NTN1: variants seen among roughly 807,000 people sequenced by gnomAD.
The protein encoded by NTN1 is netrin-1.
NTN1 carries 11 observed loss-of-function variants against 54.2 expected under a neutral mutation model. That is an observed-to-expected ratio of 0.20 (90% CI 0.13 to 0.34). The LOEUF is 0.34. Ranked by LOEUF, NTN1 falls within the 10% of genes least tolerant of loss-of-function variation. NTN1 has a pLI of 1.00. For synonymous variants in NTN1, 371 were observed against 382.0 expected (o/e 0.97, Z 0.33); for missense variants, 740 against 893.1 (o/e 0.83, Z 2.18).
upstream of NTN1, among the ~76,000 whole-genome samples, chr17:9,017,047 T>C (rs1009098368): frequency 2.0e-5 from 3 of 152,204 alleles, no homozygotes; most frequent in Admixed American, 1.3e-4. Context: ...CAAGAGACAC[T>C]TGGAGACCAC....
intron 2 of NTN1, among the ~76,000 whole-genome samples, chr17:9,115,407 C>T (rs1391412387): frequency 6.6e-6 from 1 of 152,246 alleles, no homozygotes; most frequent in Admixed American, 6.5e-5. Context: ...GTCTCCTGCT[C>T]ACCAGTTAAA....
chr17:9,162,993 C>T lies in NTN1; in HGVS notation c.1199C>T (p.Ala400Val). 1 of 1,608,930 alleles carries T rather than the reference C, an allele frequency of 6.2e-7. No homozygotes were observed. The highest frequency in any genetic ancestry group is 2.2e-5 in the East Asian group (1 of 44,634). The change falls in exon 3 of 7, where the codon GCC (alanine) becomes GTC (valine). Residue 400 changes from alanine (A) to valine (V), a missense_variant. Ala to Val is a moderately conservative substitution (Grantham distance 64, BLOSUM62 0). Coordinates refer to ENST00000173229, the MANE Select transcript of NTN1 (RefSeq NM_004822.3). ...DMGKPITHRK[A>V]CKACDCHPVG... ...GGCAAGCCCATCACCCACCGGAAGG[C>T]CTGCAAAGGTGGGCTACACGTGGCG...
At chr17:9,069,935 G>C (rs2092027170) in intron 2 of NTN1, among the ~76,000 whole-genome samples, 1 of 152,200 alleles carries the variant, frequency 6.6e-6, no homozygotes, top group South Asian at 2.1e-4. Flanking sequence ...GAAGAGTTTG[G>C]TGGGTAACCC....
intron 2 of NTN1, among the ~76,000 whole-genome samples, chr17:9,099,278 G>GGCA (rs1174687525): frequency 6.6e-6 from 1 of 152,136 alleles, no homozygotes; most frequent in Admixed American, 6.6e-5. Context: ...GGTGGTGTAT[G>GGCA]CCTGTAATCC....
At chr17:9,094,236 A>C (rs981496730) in intron 2 of NTN1, among the ~76,000 whole-genome samples, 4 of 152,136 alleles carry the variant, frequency 2.6e-5, no homozygotes, top group African/African-American at 7.2e-5. Flanking sequence ...TTAGTACATG[A>C]ATGTACCACA....
At chr17:9,198,775 ACAGAT>A (rs1380228355) in intron 5 of NTN1, among the ~76,000 whole-genome samples, 1 of 152,194 alleles carries the variant, frequency 6.6e-6, no homozygotes, top group Non-Finnish European at 1.5e-5. Context: ...TGTGGATCCT[ACAGAT>A]CCCTAAGTAC....
intron 3 of NTN1, among the ~76,000 whole-genome samples, chr17:9,168,341 T>C (rs2092378403): frequency 1.3e-5 from 2 of 152,178 alleles, no homozygotes; most frequent in Admixed American, 6.5e-5. Context: ...GAGACTAGCC[T>C]GACCAACATG....
intron 2 of NTN1, among the ~76,000 whole-genome samples, chr17:9,060,847 G>T (rs565148448): frequency 2.0e-5 from 3 of 151,800 alleles, no homozygotes; most frequent in Non-Finnish European, 4.4e-5. Context: ...ATGGTGGCGC[G>T]TGCCTGTAGT....
intron 2 of NTN1, among the ~76,000 whole-genome samples, chr17:9,033,632 A>T (rs555951499): frequency 6.6e-6 from 1 of 151,962 alleles, no homozygotes; most frequent in African/African-American, 2.4e-5. Flanking sequence ...GAAAGTACTT[A>T]GTTGGCTGGG....
chr17:9,206,640 G>A (rs1178437091), intron 5 of NTN1, among the ~76,000 whole-genome samples: 1 of 152,226 alleles, frequency 6.6e-6, no homozygotes, highest in African/African-American at 2.4e-5. Context: ...CCTGGGAGGG[G>A]ATTTCATCCT....
At chr17:9,151,211 G>C (rs888213221) in intron 2 of NTN1, among the ~76,000 whole-genome samples, 6 of 152,132 alleles carry the variant, frequency 3.9e-5, no homozygotes, top group African/African-American at 1.4e-4. Context: ...CTTGACAAAG[G>C]GGCTGGGGCC....
intron 2 of NTN1, among the ~76,000 whole-genome samples, chr17:9,038,468 G>T (rs1322422933): frequency 6.6e-6 from 1 of 152,072 alleles, no homozygotes; most frequent in African/African-American, 2.4e-5. Context: ...TTCACAGGGG[G>T]CCTGGCATAA....
At chr17:9,230,455 C>CCCT (rs1555579403) in intron 6 of NTN1, among the ~76,000 whole-genome samples, 19 of 150,764 alleles carry the variant, frequency 1.3e-4, no homozygotes, top group African/African-American at 4.2e-4. Context: ...GTGACCCCCC[C>CCCT]CCCGAGTGCC....
At chr17:9,180,587 C>A (rs951529486) in intron 4 of NTN1, among the ~76,000 whole-genome samples, 4 of 152,208 alleles carry the variant, frequency 2.6e-5, no homozygotes, top group African/African-American at 9.6e-5. Context: ...CTGGGTGGGC[C>A]CATTCCAGGA....
At chr17:9,066,143 T>C (rs566156251) in intron 2 of NTN1, among the ~76,000 whole-genome samples, 1 of 152,302 alleles carries the variant, frequency 6.6e-6, no homozygotes, top group African/African-American at 2.4e-5. Context: ...GTCATAAGCC[T>C]GGGCATGATG....
intron 2 of NTN1, among the ~76,000 whole-genome samples, chr17:9,079,070 A>C (rs2092061261): frequency 2.0e-5 from 3 of 152,162 alleles, no homozygotes; most frequent in Admixed American, 2.0e-4. Flanking sequence ...CTGGGGGAGA[A>C]GACCCATGGG....
Position 9,230,315 on chromosome 17 carries a change from G to A in NTN1, c.1486+9073G>A, listed in dbSNP as rs936870226. Among the ~76,000 whole-genome samples, 16 of 152,228 alleles carry A rather than the reference G, an allele frequency of 1.1e-4. No homozygotes were observed. The South Asian group carries it at 1.5e-3, about 14-fold the overall frequency. On this transcript the variant is annotated intron_variant, in intron 6 of 6. Transcript: ENST00000173229. ...ATGGCTGCGAAAGGCCACCTCTCCC[G>A]AGCTTGCCCCCCTGTCCAGGGACAG... is the stretch of plus-strand genomic sequence containing the variant.
chr17:9,116,725 C>G (rs573392385), intron 2 of NTN1, among the ~76,000 whole-genome samples: 1 of 152,172 alleles, frequency 6.6e-6, no homozygotes, highest in Non-Finnish European at 1.5e-5. Flanking sequence ...GTTTGTGTTG[C>G]TTGGGGACTG....
intron 2 of NTN1, among the ~76,000 whole-genome samples, chr17:9,050,217 A>G (rs868632235): frequency 7.9e-5 from 12 of 151,902 alleles, no homozygotes; most frequent in Non-Finnish European, 2.9e-5. Context: ...ACTGCACTCC[A>G]GCCTGGGCGA....
Sources: gnomAD v4.1 joint callset for allele counts (sites outside exome capture counted in the v4.1 genomes callset) on GRCh38, gnomAD v4.1.1 for gene constraint, MANE v1.5 for transcripts, NCBI Gene and HGNC (gene_info 2026-07-23, HGNC 2026-07-21) for gene names.